RPS6KA1: variants seen among roughly 807,000 people sequenced by gnomAD.
RPS6KA1 encodes ribosomal protein S6 kinase alpha-1.
Under a neutral mutation model 91.3 loss-of-function variants are expected in RPS6KA1, and 48 were observed. The ratio of observed to expected loss-of-function variants is 0.53; its 90% CI spans 0.42 to 0.67. The LOEUF (loss-of-function observed/expected upper bound fraction) is 0.67. RPS6KA1 is among the 30% of genes least tolerant of loss of function. RPS6KA1 has a pLI of 0.00. For synonymous variants in RPS6KA1, 359 were observed against 384.7 expected, an observed-to-expected ratio of 0.93 and a Z score of 0.78; for missense variants, 719 against 960.5, an observed-to-expected ratio of 0.75 and a Z score of 3.32.
intron 21 of RPS6KA1, 142 bp from the exon 22 acceptor site, chr1:26,573,937 C>CAA (rs34694705): frequency 0.013 from 9,987 of 764,050 alleles, no homozygotes; most frequent in Non-Finnish European, 0.015. Flanking sequence ...GACTGTATCT[C>CAA]AAAAAAAAAA....
intron 2 of RPS6KA1, among the ~76,000 whole-genome samples, chr1:26,542,281 G>C (rs1330174613): frequency 6.6e-6 from 1 of 152,236 alleles, no homozygotes; most frequent in Non-Finnish European, 1.5e-5. Flanking sequence ...GTCTGAGGAA[G>C]CTGGAGAGCA....
At chr1:26,546,347 C>T (rs2124628218) in intron 2 of RPS6KA1, among the ~76,000 whole-genome samples, 1 of 152,290 alleles carries the variant, frequency 6.6e-6, no homozygotes, top group East Asian at 1.9e-4. Flanking sequence ...CTCTGACCTG[C>T]CCCAGGCCAG....
Position 26,561,253 on chromosome 1 carries a change from G to C in RPS6KA1, c.1431+119G>C. On this transcript the variant is annotated intron_variant, in intron 16 of 21. Coordinates refer to ENST00000374168, the MANE Select transcript of RPS6KA1 (RefSeq NM_002953.4). This position sits in a 1 kb window ranked among gnomAD's most constrained non-coding sequence, Gnocchi z 5.7. ...TTCCAGTGGTCATGTGGAGGGGAAGGAGGTCCCTTGGTCCCTTCAGTCTGC... is the reference window on the plus strand; with the variant it reads ...TTCCAGTGGTCATGTGGAGGGGAAGCAGGTCCCTTGGTCCCTTCAGTCTGC... 1 of 1,048,806 alleles carries C rather than the reference G, an allele frequency of 9.5e-7. No individual in the cohort carries two copies. The allele number at this position is 1,048,806 out of a possible 1,614,324, so 65.0% of individuals were successfully genotyped here.
At chr1:26,534,640 A>G (rs973430140) in intron 1 of RPS6KA1, among the ~76,000 whole-genome samples, 1 of 152,166 alleles carries the variant, frequency 6.6e-6, no homozygotes, top group East Asian at 1.9e-4. Flanking sequence ...TCAGGTGTAT[A>G]TATTTATAGG....
Position 26,554,083 on chromosome 1 carries a change from C to T in RPS6KA1, c.576-131C>T, listed in dbSNP as rs1270117903. The T allele has an allele frequency of 2.2e-6, 2 of 926,760 alleles. No individual in the cohort carries two copies. Among genetic ancestry groups the T allele is most frequent in the Non-Finnish European group, 3.2e-6 (2 of 617,420 alleles). 57.4% of individuals were successfully genotyped at this position (926,760 alleles called of 1,614,324 possible). ...TGGTACTGCTACCACCCTGCAACACCCGCCCAGTCATCAGAGAGAATTGGG... is the reference window on the plus strand; with the variant it reads ...TGGTACTGCTACCACCCTGCAACACTCGCCCAGTCATCAGAGAGAATTGGG... On this transcript the variant is annotated intron_variant, in intron 7 of 21. Coordinates refer to ENST00000374168, the MANE Select transcript of RPS6KA1 (RefSeq NM_002953.4). This position sits in a 1 kb window ranked among gnomAD's most constrained non-coding sequence, Gnocchi z 4.6.
intron 13 of RPS6KA1, 46 bp downstream of exon 13, chr1:26,557,146 G>T: frequency 2.0e-6 from 3 of 1,494,716 alleles, no homozygotes; most frequent in Non-Finnish European, 2.8e-6. Flanking sequence ...GTACAGGAGG[G>T]AAGCCGGGAG....
intron 17 of RPS6KA1, among the ~76,000 whole-genome samples, chr1:26,562,017 A>G (rs1285371192): frequency 6.6e-6 from 1 of 152,166 alleles, no homozygotes; most frequent in African/African-American, 2.4e-5. Flanking sequence ...AGCCTGGCCA[A>G]CATGGTGAAA....
chr1:26,568,777 G>A (rs1394379359), intron 17 of RPS6KA1, among the ~76,000 whole-genome samples: 2 of 152,024 alleles, frequency 1.3e-5, no homozygotes. Flanking sequence ...TTAAAAAAAA[G>A]GTCAACTTCC....
chr1:26,537,112 AC>A, intron 2 of RPS6KA1, 143 bp downstream of exon 2: 1 of 823,252 alleles, frequency 1.2e-6, no homozygotes, highest in South Asian at 1.5e-5. Context: ...CCTTGTGGCA[AC>A]CCTGGGCATA....
At chr1:26,530,169 C>G (rs1027173513) in intron 1 of RPS6KA1, among the ~76,000 whole-genome samples, 186 bp downstream of exon 1, 1 of 152,180 alleles carries the variant, frequency 6.6e-6, no homozygotes, top group Non-Finnish European at 1.5e-5. Flanking sequence ...AGGGACAGTT[C>G]CGCCAAGCGC....
intron 1 of RPS6KA1, chr1:26,530,941 A>C: frequency 8.4e-7 from 1 of 1,188,572 alleles, no homozygotes; most frequent in South Asian, 1.5e-5. Flanking sequence ...GGGGGTATGC[A>C]GGGAGGGAAT....
intron 17 of RPS6KA1, among the ~76,000 whole-genome samples, chr1:26,565,613 T>A (rs657227): frequency 0.35 from 52,145 of 150,868 alleles, 9,865 homozygotes; most frequent in East Asian, 0.75. Context: ...CAGGCTGGAG[T>A]GCAATGGCAT....
chr1:26,547,054 G>T lies in RPS6KA1; in HGVS notation c.225+71G>T. The T allele has an allele frequency of 6.6e-7, 1 of 1,521,774 alleles. No homozygotes were observed. Among genetic ancestry groups the T allele is most frequent in the South Asian group, 1.1e-5 (1 of 89,134 alleles). The allele number at this position is 1,521,774 out of a possible 1,614,324, so 94.3% of individuals were successfully genotyped here. The stretch of plus-strand genomic sequence containing the variant: ...GAGGTGGGGGTCAAGGGTCACCTAG[G>T]GGCCCAAAGGATCAGAGGTCACCTT... On this transcript the variant is annotated intron_variant, in intron 3 of 21. Transcript: ENST00000374168. This position sits in a 1 kb window ranked among gnomAD's most constrained non-coding sequence, Gnocchi z 4.1.
rs2076125146 is a variant in RPS6KA1 at position 26,558,511 on chromosome 1, T to TGCTGTGCAGAGATG, written c.1085-295_1085-294insCTGTGCAGAGATGG. On this transcript the variant is annotated intron_variant, in intron 13 of 21. Transcript: ENST00000374168. The surrounding 1 kb of genome is among the most constrained non-coding windows in gnomAD (Gnocchi z 4.0). ...TGTGCAGAGATGGACCTGAAGGGGC[T>TGCTGTGCAGAGATG]GACGTAAGATGGGGAAGCTGGGGAG... Among the ~76,000 whole-genome samples, 1 of 152,156 alleles carries TGCTGTGCAGAGATG rather than the reference T, an allele frequency of 6.6e-6. No homozygotes were observed. The highest frequency in any genetic ancestry group is 1.5e-5 in the Non-Finnish European group (1 of 68,008).
rs2076050480 is a variant in RPS6KA1, at chr1:26,551,580, A to G, written c.389-64A>G. 2 of 1,595,126 alleles carry G rather than the reference A, an allele frequency of 1.3e-6. No individual in the cohort carries two copies. The highest frequency in any genetic ancestry group is 1.7e-5 in the Admixed American group (1 of 59,990). ...GCCTGCCTGGCAGGCCAAGGGAGCC[A>G]GGGCCGGAGAAGCAGATCATAAGGC... On this transcript the variant is annotated intron_variant, in intron 5 of 21. Transcript: ENST00000374168. The surrounding 1 kb of genome is among the most constrained non-coding windows in gnomAD (Gnocchi z 4.5).
In RPS6KA1 at chr1:26,547,101, G is replaced by T; in HGVS notation, c.226-88G>T. On this transcript the variant is annotated intron_variant, in intron 3 of 21. Transcript: ENST00000374168. The surrounding 1 kb of genome is among the most constrained non-coding windows in gnomAD (Gnocchi z 4.1). ...CCTTGGTACCCAGGGAGAGCAAAAA[G>T]GTCAGCTTGGGGCTCAGAGAAGATA... is the stretch of plus-strand genomic sequence containing the variant. 1 of 1,552,378 alleles carries T rather than the reference G, an allele frequency of 6.4e-7. No homozygotes were observed. The highest frequency in any genetic ancestry group is 1.1e-5 in the South Asian group (1 of 89,682).
At chr1:26,565,548 C>CTTTTCTTTTG (rs2076192499) in intron 17 of RPS6KA1, among the ~76,000 whole-genome samples, 1 of 150,602 alleles carries the variant, frequency 6.6e-6, no homozygotes, top group South Asian at 2.1e-4. Flanking sequence ...TTATTTTTTT[C>CTTTTCTTTTG]TTTTCTTTTC....
Position 26,533,942 on chromosome 1 carries a change from G to A in RPS6KA1, c.64-2983G>A, listed in dbSNP as rs373948906. Among the ~76,000 whole-genome samples the A allele has an allele frequency of 5.9e-5, 9 of 152,140 alleles. No homozygotes were observed. The East Asian group carries it at 1.7e-3, about 29-fold the overall frequency. Reference sequence around the variant, plus strand: ...ACCCCCCTACCAGTCTGTTCTCCAGGGCTGCCTGTTCCCTTACTCTTACAG... The same window carrying A: ...ACCCCCCTACCAGTCTGTTCTCCAGAGCTGCCTGTTCCCTTACTCTTACAG... On this transcript the variant is annotated intron_variant, in intron 1 of 21. Transcript: ENST00000374168.
Position 26,567,790 on chromosome 1 carries a change from C to T in RPS6KA1, c.1591-3659C>T, listed in dbSNP as rs372188259. Among the ~76,000 whole-genome samples the T allele has an allele frequency of 3.9e-4, 60 of 152,278 alleles. 1 individual carries two copies. The South Asian group carries it at 0.012, about 31-fold the overall frequency. On this transcript the variant is annotated intron_variant, in intron 17 of 21. Coordinates refer to ENST00000374168, the MANE Select transcript of RPS6KA1 (RefSeq NM_002953.4). The stretch of plus-strand genomic sequence containing the variant: ...ACTGTGATGTCCATCATTTCCCAAG[C>T]CCTTTGCTAAATATTCCTGTCCTTC...
Sources: gnomAD v4.1 joint callset for allele counts (sites outside exome capture counted in the v4.1 genomes callset) on GRCh38, gnomAD v4.1.1 for gene constraint, Gnocchi (gnomAD v3.1) non-coding constraint, MANE v1.5 for transcripts, NCBI Gene and HGNC (gene_info 2026-07-23, HGNC 2026-07-21) for gene names.